Variants in STYXL2 observed in about 807,000 individuals in gnomAD.
The protein encoded by STYXL2 is serine/threonine/tyrosine-interacting-like protein 2.
In STYXL2, 44 loss-of-function variants were observed where a neutral mutation model predicts 52.4. The observed-to-expected ratio is 0.84, with a 90% CI of 0.66 to 1.08. STYXL2 has a LOEUF of 1.08. STYXL2 is among the 50% of genes least tolerant of loss of function. The pLI, the probability that STYXL2 is intolerant of heterozygous loss-of-function variation, is 0.00. For missense variants in STYXL2, 1,604 were observed against 1,471.7 expected (o/e 1.09, Z -1.47); for synonymous variants, 604 against 586.9 (o/e 1.03, Z -0.42).
chr1:167,120,886 A>G (rs966792570), intron 5 of STYXL2, among the ~76,000 whole-genome samples: 1 of 109,568 alleles, frequency 9.1e-6, no homozygotes, highest in Non-Finnish European at 2.1e-5. Context: ...ATATATATAT[A>G]CAGAGAGAGA....
At chr1:167,097,464 T>C (rs536411456) in intron 2 of STYXL2, among the ~76,000 whole-genome samples, 20 of 152,364 alleles carry the variant, frequency 1.3e-4, no homozygotes, top group African/African-American at 2.2e-4. Flanking sequence ...CGTTTAATGA[T>C]AGTTATCTTG....
In STYXL2 at chr1:167,126,289, C is replaced by A. The variant is rs936556006; in HGVS notation, c.1158C>A (p.Asp386Glu). ...SSGQGGEELEDEDVERIIQEW... is the reference protein window; with the variant it reads ...SSGQGGEELEEEDVERIIQEW... ...GCCAGGGTGGGGAGGAGCTCGAGGA[C>A]GAGGACGTGGAGAGGATCATCCAGG... The change falls in exon 6 of 6, where the codon GAC becomes GAA. Residue 386 changes from aspartate to glutamate, a missense_variant. Transcript: ENST00000361200. 3.9e-6 allele frequency: 6 copies of A among 1,530,172 alleles called. No individual in the cohort carries two copies. In the East Asian group the frequency reaches 9.4e-5, roughly 24 times the overall value. 94.8% of individuals were successfully genotyped at this position (1,530,172 alleles called of 1,614,324 possible). A position where few individuals can be genotyped will look rare whatever the true frequency, so the allele number is the denominator to read the frequency against.
At chr1:167,095,685 T>A (rs1322999184) in intron 2 of STYXL2, among the ~76,000 whole-genome samples, 1 of 152,258 alleles carries the variant, frequency 6.6e-6, no homozygotes, top group Non-Finnish European at 1.5e-5. Flanking sequence ...GCCTGTCCAT[T>A]TTCTTCTGTC....
intron 2 of STYXL2, among the ~76,000 whole-genome samples, chr1:167,113,361 A>G (rs1330645446): frequency 2.0e-5 from 3 of 152,166 alleles, no homozygotes; most frequent in African/African-American, 7.2e-5. Context: ...GCAGAGGAAA[A>G]GGAGACAAAA....
intron 3 of STYXL2, among the ~76,000 whole-genome samples, chr1:167,115,167 C>T (rs1032643054): frequency 1.3e-5 from 2 of 152,200 alleles, no homozygotes; most frequent in Non-Finnish European, 2.9e-5. Flanking sequence ...TTTATCCTGG[C>T]TCTTTTCTAT....
chr1:167,109,586 C>T (rs945642684), intron 2 of STYXL2, among the ~76,000 whole-genome samples: 1 of 152,162 alleles, frequency 6.6e-6, no homozygotes, highest in African/African-American at 2.4e-5. Context: ...TGGTCTTTCT[C>T]TACATGCCCT....
Position 167,128,781 on chromosome 1 carries a change from G to A in STYXL2, c.*173G>A, listed in dbSNP as rs1668031560. On this transcript the variant is annotated 3_prime_UTR_variant, in exon 6 of 6. Coordinates refer to ENST00000361200, the MANE Select transcript of STYXL2 (RefSeq NM_001080426.3). ...GCAGCAGAGGTGGAGTAGGGAGGAG[G>A]CAAGGAGGGGGAGAACCATCAATAC... 1.9e-6 allele frequency: 2 copies of A among 1,060,212 alleles called. No homozygotes were observed. The highest frequency in any genetic ancestry group is 2.6e-6 in the Non-Finnish European group (2 of 763,782). 65.7% of individuals were successfully genotyped at this position (1,060,212 alleles called of 1,614,324 possible).
chr1:167,125,745 G>A (rs1207676667), intron 5 of STYXL2, 42 bp from the exon 6 acceptor site: 5 of 1,537,242 alleles, frequency 3.3e-6, no homozygotes, highest in Non-Finnish European at 4.4e-6. Flanking sequence ...CTACAAGGAA[G>A]CCACTGTCAT....
At chr1:167,109,458 C>A (rs1022850171) in intron 2 of STYXL2, among the ~76,000 whole-genome samples, 6 of 152,146 alleles carry the variant, frequency 3.9e-5, no homozygotes, top group East Asian at 1.9e-4. Context: ...CAGAGGCAAC[C>A]ACAATCCCTC....
In STYXL2 at chr1:167,128,880, A is replaced by G; in HGVS notation, c.*272A>G. On this transcript the variant is annotated 3_prime_UTR_variant, in exon 6 of 6. Coordinates refer to ENST00000361200, the MANE Select transcript of STYXL2 (RefSeq NM_001080426.3). The stretch of plus-strand genomic sequence containing the variant: ...AGCGCCCTCTAAGCTTTGGTGTTTC[A>G]CTTAATGTATTTGGCAGTGTTCATC... 2.3e-6 allele frequency: 1 copy of G among 443,538 alleles called. No homozygotes were observed. The highest frequency in any genetic ancestry group is 2.7e-5 in the South Asian group (1 of 36,498). 27.5% of individuals were successfully genotyped at this position (443,538 alleles called of 1,614,324 possible).
intron 2 of STYXL2, among the ~76,000 whole-genome samples, chr1:167,096,070 C>T (rs1266886710): frequency 1.3e-5 from 2 of 151,958 alleles, no homozygotes; most frequent in Non-Finnish European, 2.9e-5. Flanking sequence ...CCAGCCTGGC[C>T]AATATAGTGA....
At chr1:167,113,689 G>A (rs762414413) in intron 2 of STYXL2, 21 bp from the exon 3 acceptor site, 72 of 1,576,094 alleles carry the variant, frequency 4.6e-5, no homozygotes, top group South Asian at 1.4e-4. Flanking sequence ...CTTATCTCAC[G>A]TGAATATCCT....
In STYXL2 at chr1:167,094,911, A is replaced by G; in HGVS notation, c.62A>G (p.Asn21Ser). The part of the protein sequence containing the change: ...QVVPSEEDEA[N>S]VRAVQAHYLR... ...GTCCCAAGCGAGGAGGACGAAGCCA[A>G]CGTGAGGGCGGTGCAGGCCCACTAC... Residue 21 changes from asparagine to serine, a missense_variant, in exon 2 of 6, where the codon AAC becomes AGC. Coordinates refer to ENST00000361200, the MANE Select transcript of STYXL2 (RefSeq NM_001080426.3). 1 of 1,612,776 alleles carries G rather than the reference A, an allele frequency of 6.2e-7. No individual in the cohort carries two copies. Among genetic ancestry groups the G allele is most frequent in the South Asian group, 1.1e-5 (1 of 90,572 alleles).
chr1:167,105,732 G>T (rs1030476488), intron 2 of STYXL2, among the ~76,000 whole-genome samples: 3 of 152,116 alleles, frequency 2.0e-5, no homozygotes, highest in Admixed American at 2.0e-4. Flanking sequence ...ACAGTTTTAT[G>T]ACTATTAGGT....
chr1:167,121,204 G>A (rs898204450), intron 5 of STYXL2, among the ~76,000 whole-genome samples: 1 of 151,844 alleles, frequency 6.6e-6, no homozygotes, highest in South Asian at 2.1e-4. Flanking sequence ...GTAGAGAGGG[G>A]ATTTCGCCAT....
intron 3 of STYXL2, among the ~76,000 whole-genome samples, chr1:167,116,104 A>G (rs931183075): frequency 2.0e-5 from 3 of 152,212 alleles, no homozygotes; most frequent in African/African-American, 4.8e-5. Context: ...CAGAGGAAAC[A>G]TCTTTCCAGC....
intron 2 of STYXL2, among the ~76,000 whole-genome samples, chr1:167,111,513 T>TATATAC (rs1211215448): frequency 2.6e-4 from 13 of 50,122 alleles, no homozygotes; most frequent in South Asian, 7.3e-4. Flanking sequence ...TATATATATA[T>TATATAC]ACACACACAC....
At chr1:167,096,475 A>G (rs1667287455) in intron 2 of STYXL2, among the ~76,000 whole-genome samples, 1 of 152,112 alleles carries the variant, frequency 6.6e-6, no homozygotes, top group Non-Finnish European at 1.5e-5. Context: ...AAGTTCCAAA[A>G]CAGGTACCTG....
intron 2 of STYXL2, among the ~76,000 whole-genome samples, chr1:167,107,293 G>C (rs1315760700): frequency 6.6e-6 from 1 of 152,176 alleles, no homozygotes; most frequent in African/African-American, 2.4e-5. Context: ...CTTCCACCAT[G>C]TTGTATTCTA....
Sources: allele counts gnomAD v4.1 joint callset (sites outside exome capture counted in the v4.1 genomes callset), GRCh38; gene constraint gnomAD v4.1.1; transcripts MANE v1.5; gene names NCBI Gene and HGNC (gene_info 2026-07-23, HGNC 2026-07-21).